The following RC3H2 variants were observed in gnomAD, a reference collection of about 807,000 sequenced individuals.
RC3H2 encodes roquin-2.
In RC3H2, 31 loss-of-function variants were observed where a neutral mutation model predicts 133.3. That is an observed-to-expected ratio of 0.23 (90% CI 0.17 to 0.31). The LOEUF (loss-of-function observed/expected upper bound fraction) is 0.31. Ranked by LOEUF, RC3H2 falls within the 10% of genes least tolerant of loss-of-function variation. The pLI is 1.00. For synonymous variants in RC3H2, 517 were observed against 502.2 expected (o/e 1.03, Z -0.40); for missense variants, 1,175 against 1,437.2 (o/e 0.82, Z 2.95).
At chr9:122,894,041 C>T (rs953440304) in intron 2 of RC3H2, among the ~76,000 whole-genome samples, 1 of 152,018 alleles carries the variant, frequency 6.6e-6, no homozygotes, top group Non-Finnish European at 1.5e-5. Context: ...AGGCGGATCA[C>T]GAGGTCAGGA....
intron 18 of RC3H2, among the ~76,000 whole-genome samples, chr9:122,852,897 G>C (rs1830104969): frequency 6.6e-6 from 1 of 152,248 alleles, no homozygotes; most frequent in African/African-American, 2.4e-5. Context: ...ACAGCTCATT[G>C]AGAACGGGCC....
chr9:122,866,717 C>A (rs1830693168), intron 9 of RC3H2, among the ~76,000 whole-genome samples: 1 of 152,170 alleles, frequency 6.6e-6, no homozygotes, highest in Non-Finnish European at 1.5e-5. Flanking sequence ...CTCAGTGGTG[C>A]CCAGGCTGGA....
chr9:122,890,618 AT>A (rs1832122732), intron 3 of RC3H2, 73 bp from the exon 4 acceptor site: 1 of 1,154,532 alleles, frequency 8.7e-7, no homozygotes, highest in African/African-American at 1.5e-5. Flanking sequence ...CATTATCTGC[AT>A]TTAACGATTA....
chr9:122,905,287 GCCT>G lies in RC3H2; in HGVS notation c.-248_-246del, dbSNP rs376103984. 16,923 of 985,706 alleles carry G rather than the reference GCCT, an allele frequency of 0.017. 140 individuals are homozygous for G. Among genetic ancestry groups the G allele is most frequent in the Non-Finnish European group, 0.019 (15,646 of 830,046 alleles). The allele number at this position is 985,706 out of a possible 1,614,324, so 61.1% of individuals were successfully genotyped here. ...TGGCGGCGGCGAAGGCCGCGACGGG[GCCT>G]CCTCCTCCTCCCTCCACCTCCGCCT... is the stretch of plus-strand genomic sequence containing the variant. On this transcript the variant is annotated 5_prime_UTR_variant, in exon 1 of 21. Transcript: ENST00000357244.
At chr9:122,893,064 T>C (rs1337361814) in intron 2 of RC3H2, 38 bp from the exon 3 acceptor site, 1 of 1,586,644 alleles carries the variant, frequency 6.3e-7, no homozygotes, top group East Asian at 2.2e-5. Flanking sequence ...CAGAAATACA[T>C]TCATCCAGCT....
In RC3H2 at chr9:122,865,441, G is replaced by A; in HGVS notation, c.1542C>T (p.Thr514=). 6.2e-7 allele frequency: 1 copy of A among 1,614,156 alleles called. No individual in the cohort carries two copies. The highest frequency in any genetic ancestry group is 1.3e-5 in the African/African-American group (1 of 75,030). The part of the protein sequence containing the change: ...SQLISRSTDS[T]LRALETVKKV... ...TCTTCACGGTCTCCAGAGCTCTTAA[G>A]GTACTGTCAGTACTACGTGAGATTA... Residue 514 remains threonine (T), a synonymous_variant, in exon 10 of 21, where the codon ACC becomes ACT. Transcript: ENST00000357244.
chr9:122,868,103 G>A (rs1262364646), intron 9 of RC3H2, among the ~76,000 whole-genome samples: 5 of 142,680 alleles, frequency 3.5e-5, no homozygotes, highest in South Asian at 2.4e-4. Flanking sequence ...CAGCCACCCC[G>A]TCCAGGAGGG....
Position 122,860,188 on chromosome 9 carries a change from C to T in RC3H2, c.1635-57G>A, listed in dbSNP as rs1830403383. On this transcript the variant is annotated intron_variant, in intron 10 of 20. Transcript: ENST00000357244. The stretch of plus-strand genomic sequence containing the variant: ...GAAATCACTGTCTATGACTGTCCTC[C>T]TTACTAGAAATTTTTAATAAAATTA... 3 of 1,273,986 alleles carry T rather than the reference C, an allele frequency of 2.4e-6. 1 individual carries two copies. Among genetic ancestry groups the T allele is most frequent in the South Asian group, 2.5e-5 (2 of 78,734 alleles). The allele number at this position is 1,273,986 out of a possible 1,614,324, so 78.9% of individuals were successfully genotyped here. A position where few individuals can be genotyped will look rare whatever the true frequency, so the allele number is the denominator to read the frequency against.
At chr9:122,869,098 G>T (rs1002579837) in intron 9 of RC3H2, among the ~76,000 whole-genome samples, 3 of 151,868 alleles carry the variant, frequency 2.0e-5, no homozygotes, top group African/African-American at 7.3e-5. Flanking sequence ...TAGAGATGGG[G>T]TTTTGCCATG....
In RC3H2 at chr9:122,880,039, T is replaced by C; in HGVS notation, c.1047A>G (p.Arg349=). 1 of 1,614,210 alleles carries C rather than the reference T, an allele frequency of 6.2e-7. No individual in the cohort carries two copies. Among genetic ancestry groups the C allele is most frequent in the Non-Finnish European group, 8.5e-7 (1 of 1,180,044 alleles). Reference sequence around the variant, plus strand: ...CAAGAAGCTCTAAATGAGGCCTCAGTCTATTTAAGTTAGCTGGGTCACCTG... The same window carrying C: ...CAAGAAGCTCTAAATGAGGCCTCAGCCTATTTAAGTTAGCTGGGTCACCTG... ...QRTGDPANLN[R]LRPHLELLAN... The change falls in exon 7 of 21, where the codon AGA becomes AGG. Residue 349 remains arginine, a synonymous_variant. Coordinates refer to ENST00000357244, the MANE Select transcript of RC3H2 (RefSeq NM_001100588.3).
intron 1 of RC3H2, among the ~76,000 whole-genome samples, chr9:122,898,657 G>C (rs1315326426): frequency 1.3e-5 from 2 of 151,134 alleles, no homozygotes; most frequent in Non-Finnish European, 2.9e-5. Context: ...GCTGAGGCAG[G>C]AGAATCACTT....
intron 1 of RC3H2, among the ~76,000 whole-genome samples, chr9:122,900,871 T>C (rs985082131): frequency 1.3e-5 from 2 of 152,206 alleles, no homozygotes; most frequent in African/African-American, 2.4e-5. Flanking sequence ...AGATAAAGCA[T>C]AGGAGTGAGA....
intron 10 of RC3H2, 128 bp from the exon 11 acceptor site, chr9:122,860,259 G>T: frequency 1.5e-6 from 1 of 666,620 alleles, no homozygotes; most frequent in Non-Finnish European, 2.6e-6. Context: ...TTGCCACATT[G>T]ACAAATAAGG....
At chr9:122,901,783 G>A (rs1832660468) in intron 1 of RC3H2, among the ~76,000 whole-genome samples, 1 of 151,064 alleles carries the variant, frequency 6.6e-6, no homozygotes, top group Admixed American at 6.6e-5. Context: ...GTAGAGACAG[G>A]GTTTCACCTG....
chr9:122,852,669 G>A (rs563505008), intron 18 of RC3H2, among the ~76,000 whole-genome samples: 9 of 150,394 alleles, frequency 6.0e-5, no homozygotes, highest in Admixed American at 2.0e-4. Context: ...CGCCCTGTCC[G>A]GGAGGTGAGG....
At chr9:122,893,383 A>G (rs1257157919) in intron 2 of RC3H2, among the ~76,000 whole-genome samples, 3 of 152,178 alleles carry the variant, frequency 2.0e-5, no homozygotes, top group African/African-American at 7.2e-5. Context: ...GATTCTAGCT[A>G]CTCAGGAGGC....
intron 9 of RC3H2, chr9:122,875,251 C>T (rs1831282491): frequency 1.3e-6 from 2 of 1,551,156 alleles, no homozygotes; most frequent in Non-Finnish European, 1.7e-6. Context: ...TCACTGCACA[C>T]ACACTTATCT....
chr9:122,852,906 C>T (rs908983200), intron 18 of RC3H2, among the ~76,000 whole-genome samples: 10 of 152,190 alleles, frequency 6.6e-5, no homozygotes, highest in African/African-American at 1.9e-4. Flanking sequence ...TGAGAACGGG[C>T]CATGATGACA....
chr9:122,852,222 G>A (rs1483506647), intron 18 of RC3H2, among the ~76,000 whole-genome samples: 2 of 148,456 alleles, frequency 1.3e-5, no homozygotes, highest in South Asian at 2.2e-4. Context: ...GTCTCTGCCC[G>A]GCCGCCCCGT....
Sources: gnomAD v4.1 joint callset for allele counts (sites outside exome capture counted in the v4.1 genomes callset) on GRCh38, gnomAD v4.1.1 for gene constraint, MANE v1.5 for transcripts, NCBI Gene and HGNC (gene_info 2026-07-23, HGNC 2026-07-21) for gene names.